OSBPL9: variants seen among roughly 807,000 people sequenced by gnomAD.
The protein encoded by OSBPL9 is oxysterol binding protein like 9.
A neutral mutation model predicts 106.6 loss-of-function variants in OSBPL9; 40 were observed. The ratio of observed to expected loss-of-function variants is 0.38; its 90% CI spans 0.29 to 0.49. The LOEUF is 0.49. Ranked by LOEUF, OSBPL9 falls within the 20% of genes least tolerant of loss-of-function variation. The probability of loss-of-function intolerance (pLI) is 0.97; values close to 1 mark genes in which losing one functional copy is unlikely to be tolerated. For missense variants in OSBPL9, 609 were observed against 887.2 expected, an observed-to-expected ratio of 0.69 and a Z score of 3.98; for synonymous variants, 269 against 295.4, an observed-to-expected ratio of 0.91 and a Z score of 0.92.
intron 1 of OSBPL9, among the ~76,000 whole-genome samples, chr1:51,642,516 G>A (rs1452416832): frequency 1.3e-5 from 2 of 152,162 alleles, no homozygotes; most frequent in Non-Finnish European, 2.9e-5. Context: ...TAAAAGCCAG[G>A]TCAATTGTCC....
At chr1:51,779,455 A>G (rs973546382) in intron 15 of OSBPL9, among the ~76,000 whole-genome samples, 4 of 152,236 alleles carry the variant, frequency 2.6e-5, no homozygotes, top group Non-Finnish European at 4.4e-5. Flanking sequence ...ATTCTAGAAG[A>G]TAACATTGGA....
the OSBPL9 span, among the ~76,000 whole-genome samples, chr1:51,542,976 C>T: frequency 5.8e-3 from 877 of 152,290 alleles, 6 homozygotes; most frequent in African/African-American, 0.02. Flanking sequence ...CAGATATACA[C>T]TATCTTTCAG....
intron 1 of OSBPL9, among the ~76,000 whole-genome samples, chr1:51,649,185 C>A (rs574686338): frequency 2.3e-4 from 35 of 152,320 alleles, no homozygotes; most frequent in Non-Finnish European, 4.9e-4. Context: ...CTGCTCACTG[C>A]AACCTCCGCC....
rs756054240 is a variant in OSBPL9, at chr1:51,686,072, A to C, written c.241+16560A>C. 7.2e-5 allele frequency among the ~76,000 whole-genome samples: 11 copies of C among 152,020 alleles called. No individual in the cohort carries two copies. The South Asian group carries it at 8.3e-4, about 11-fold the overall frequency. ...TCAAGTGGAGATGGGTGTCAGTGGG[A>C]ATTTTTCTTGGAGGGGATGATTGTA... On this transcript the variant is annotated intron_variant, in intron 3 of 23. Coordinates refer to ENST00000428468, the MANE Select transcript of OSBPL9 (RefSeq NM_024586.6).
chr1:51,703,900 G>T (rs935714602), intron 3 of OSBPL9, among the ~76,000 whole-genome samples: 2 of 152,128 alleles, frequency 1.3e-5, no homozygotes, highest in African/African-American at 4.8e-5. Flanking sequence ...TAATCATGTG[G>T]TTTTTGTCGT....
chr1:51,760,468 C>T, intron 9 of OSBPL9: 1 of 527,794 alleles, frequency 1.9e-6, no homozygotes, highest in Non-Finnish European at 3.0e-6. Context: ...TTAGCTTTAC[C>T]TTCTTCTGTG....
At chr1:51,708,566 G>T (rs1363088293) in intron 3 of OSBPL9, among the ~76,000 whole-genome samples, 1 of 152,088 alleles carries the variant, frequency 6.6e-6, no homozygotes, top group Non-Finnish European at 1.5e-5. Context: ...TCACTTGTAA[G>T]CATCATATAC....
At chr1:51,644,607 G>A (rs1395366668) in intron 1 of OSBPL9, among the ~76,000 whole-genome samples, 1 of 152,046 alleles carries the variant, frequency 6.6e-6, no homozygotes, top group African/African-American at 2.4e-5. Flanking sequence ...GGATTATAGA[G>A]GTGAGCCACC....
intron 4 of OSBPL9, among the ~76,000 whole-genome samples, chr1:51,719,441 G>T (rs1188580370): frequency 6.6e-6 from 1 of 151,808 alleles, no homozygotes; most frequent in East Asian, 1.9e-4. Context: ...GAACTTTTCA[G>T]ATTCTTTTTT....
chr1:51,691,273 CTT>C (rs1005953851), intron 3 of OSBPL9, among the ~76,000 whole-genome samples: 102 of 108,924 alleles, frequency 9.4e-4, no homozygotes, highest in African/African-American at 3.3e-3. Flanking sequence ...CTTGCTGTAA[CTT>C]TTTTTTTTTT....
chr1:51,656,386 C>T (rs2148717507), intron 2 of OSBPL9, among the ~76,000 whole-genome samples: 1 of 152,202 alleles, frequency 6.6e-6, no homozygotes, highest in South Asian at 2.1e-4. Context: ...CTTGCCCTTG[C>T]CCCATCCATC....
intron 1 of OSBPL9, among the ~76,000 whole-genome samples, chr1:51,592,256 A>C (rs1391796625): frequency 6.6e-6 from 1 of 151,760 alleles, no homozygotes; most frequent in East Asian, 1.9e-4. Context: ...CTGGGACTAC[A>C]GGCGCCCGCC....
chr1:51,775,093 C>T (rs79972168), intron 14 of OSBPL9, among the ~76,000 whole-genome samples: 1,932 of 152,032 alleles, frequency 0.013, 38 homozygotes, highest in African/African-American at 0.042. Flanking sequence ...TGTACCAAGG[C>T]AGTATATAAG....
intron 3 of OSBPL9, among the ~76,000 whole-genome samples, chr1:51,684,910 CTTCTT>C (rs1557686626): frequency 7.1e-6 from 1 of 140,578 alleles, no homozygotes; most frequent in African/African-American, 2.7e-5. Context: ...CACTGCTCTT[CTTCTT>C]TTTTTTTTTT....
the OSBPL9 span, among the ~76,000 whole-genome samples, chr1:51,557,711 G>T: frequency 6.6e-6 from 1 of 152,152 alleles, no homozygotes; most frequent in African/African-American, 2.4e-5. Context: ...AAGTCTCCTC[G>T]CTGAGTCCTC....
At chr1:51,675,798 A>C (rs1285099978) in intron 3 of OSBPL9, among the ~76,000 whole-genome samples, 1 of 152,224 alleles carries the variant, frequency 6.6e-6, no homozygotes, top group Non-Finnish European at 1.5e-5. Context: ...CTTCAAATAA[A>C]ATTTTATCTG....
chr1:51,670,818 C>G (rs1649691910), intron 3 of OSBPL9, among the ~76,000 whole-genome samples: 1 of 152,144 alleles, frequency 6.6e-6, no homozygotes, highest in African/African-American at 2.4e-5. Flanking sequence ...GCCTATAAAT[C>G]AGCAGGTAAT....
intron 3 of OSBPL9, among the ~76,000 whole-genome samples, chr1:51,677,743 GT>G (rs1170649620): frequency 6.6e-6 from 1 of 152,028 alleles, no homozygotes; most frequent in Non-Finnish European, 1.5e-5. Flanking sequence ...TAGAGACGGG[GT>G]TTCACCATAT....
At chr1:51,603,930 C>T (rs1643913193) in intron 2 of OSBPL9, among the ~76,000 whole-genome samples, 1 of 152,160 alleles carries the variant, frequency 6.6e-6, no homozygotes, top group African/African-American at 2.4e-5. Flanking sequence ...TGCTGTGGAA[C>T]TCTGGGAGAC....
Sources: allele counts gnomAD v4.1 joint callset (sites outside exome capture counted in the v4.1 genomes callset), GRCh38; gene constraint gnomAD v4.1.1; transcripts MANE v1.5; gene names NCBI Gene and HGNC (gene_info 2026-07-23, HGNC 2026-07-21).